The following FTO variants were observed in gnomAD, a reference collection of about 807,000 sequenced individuals.
FTO encodes the protein alpha-ketoglutarate-dependent dioxygenase FTO.
A neutral mutation model predicts 63.9 loss-of-function variants in FTO; 47 were observed. The ratio of observed to expected loss-of-function variants is 0.74; its 90% CI spans 0.58 to 0.94. The LOEUF (loss-of-function observed/expected upper bound fraction) is 0.94, where lower values mean the gene tolerates loss of function less well. Among genes scored for constraint, FTO ranks in the 40% least tolerant of loss-of-function variants. FTO has a pLI of 0.00. For synonymous variants in FTO, 207 were observed against 224.4 expected, an observed-to-expected ratio of 0.92 and a Z score of 0.69; for missense variants, 562 against 618.1, an observed-to-expected ratio of 0.91 and a Z score of 0.96.
intron 8 of FTO, among the ~76,000 whole-genome samples, chr16:53,943,609 A>G (rs973233734): frequency 6.6e-5 from 10 of 152,242 alleles, no homozygotes; most frequent in Admixed American, 1.3e-4. Flanking sequence ...AATGACAGAT[A>G]TGAACTCTTT....
chr16:53,853,706 T>A (rs969690862), intron 4 of FTO, among the ~76,000 whole-genome samples: 28 of 152,348 alleles, frequency 1.8e-4, no homozygotes, highest in African/African-American at 6.5e-4. Flanking sequence ...ATGCCACATT[T>A]TCTTTATCTA....
chr16:53,965,318 C>T (rs1295370227), intron 8 of FTO, among the ~76,000 whole-genome samples: 2 of 152,180 alleles, frequency 1.3e-5, no homozygotes, highest in East Asian at 3.9e-4. Flanking sequence ...TTGTGATCCG[C>T]CCACCTTGGC....
At chr16:53,990,749 C>A (rs1367868802) in intron 8 of FTO, among the ~76,000 whole-genome samples, 1 of 151,598 alleles carries the variant, frequency 6.6e-6, no homozygotes, top group Admixed American at 6.6e-5. Context: ...CTCATTGCAA[C>A]ATCCACCTCC....
intron 7 of FTO, among the ~76,000 whole-genome samples, chr16:53,893,631 A>G (rs2081207655): frequency 6.6e-6 from 1 of 152,138 alleles, no homozygotes; most frequent in Admixed American, 6.5e-5. Context: ...AATCCTCTAA[A>G]TTGATGACAT....
chr16:53,873,076 A>G (rs1190878193), intron 4 of FTO, among the ~76,000 whole-genome samples: 1 of 152,182 alleles, frequency 6.6e-6, no homozygotes, highest in African/African-American at 2.4e-5. Flanking sequence ...CAAACATGCA[A>G]CATGCTGAGT....
intron 8 of FTO, among the ~76,000 whole-genome samples, chr16:54,076,460 A>G (rs1303248875): frequency 6.6e-6 from 1 of 152,224 alleles, no homozygotes; most frequent in East Asian, 1.9e-4. Flanking sequence ...AGGGAAAAGA[A>G]TAGCAGGAAA....
At chr16:53,982,792 C>T (rs2083577299) in intron 8 of FTO, among the ~76,000 whole-genome samples, 1 of 152,174 alleles carries the variant, frequency 6.6e-6, no homozygotes, top group Non-Finnish European at 1.5e-5. Flanking sequence ...GTAAAGCTTG[C>T]AGTGTTAAGA....
chr16:53,826,633 CAT>C, intron 3 of FTO, 142 bp downstream of exon 3: 4 of 775,040 alleles, frequency 5.2e-6, no homozygotes, highest in South Asian at 4.7e-5. Context: ...GTGTGTGTAT[CAT>C]GTGTCCTTTT....
chr16:54,026,917 T>C (rs2084726373), intron 8 of FTO, among the ~76,000 whole-genome samples: 1 of 152,212 alleles, frequency 6.6e-6, no homozygotes, highest in Admixed American at 6.5e-5. Context: ...TACAAATCTT[T>C]GCAGTAATCA....
In FTO at chr16:54,121,378, A is replaced by G. The variant is rs548656672; in HGVS notation, c.*9463A>G. On this transcript the variant is annotated 3_prime_UTR_variant, in exon 9 of 9. Transcript: ENST00000471389. ...CATGCCAACATCTCTCTGTACAGAAACATGGAAAAAGAGCGATGCTATTAA... is the reference window on the plus strand; with the variant it reads ...CATGCCAACATCTCTCTGTACAGAAGCATGGAAAAAGAGCGATGCTATTAA... 6.6e-6 allele frequency: 1 copy of G among 152,378 alleles called. No homozygotes were observed. The highest frequency in any genetic ancestry group is 2.4e-5 in the African/African-American group (1 of 41,590). 9.4% of individuals were successfully genotyped at this position (152,378 alleles called of 1,614,324 possible). A position where few individuals can be genotyped will look rare whatever the true frequency, so the allele number is the denominator to read the frequency against.
intron 7 of FTO, among the ~76,000 whole-genome samples, chr16:53,922,848 G>C (rs1032097836): frequency 5.9e-5 from 9 of 152,186 alleles, no homozygotes; most frequent in African/African-American, 2.2e-4. Flanking sequence ...GAGGAAGTGA[G>C]GGTAATAAGA....
chr16:54,070,629 G>C (rs2085847204), intron 8 of FTO: 1 of 152,128 alleles, frequency 6.6e-6, no homozygotes, highest in Non-Finnish European at 1.5e-5. Flanking sequence ...TAATACCACG[G>C]ATGGCATGGA....
intron 1 of FTO, among the ~76,000 whole-genome samples, chr16:53,705,739 G>T (rs950987441): frequency 6.6e-6 from 1 of 152,210 alleles, no homozygotes; most frequent in African/African-American, 2.4e-5. Context: ...AGTCTACACA[G>T]TGCAAAGAAA....
chr16:54,088,655 C>T (rs918930459), intron 8 of FTO, among the ~76,000 whole-genome samples: 28 of 152,200 alleles, frequency 1.8e-4, no homozygotes, highest in African/African-American at 6.7e-4. Context: ...TAAATGTTTT[C>T]AATAGGGGGA....
At chr16:53,984,289 T>C (rs2083612982) in intron 8 of FTO, among the ~76,000 whole-genome samples, 1 of 151,496 alleles carries the variant, frequency 6.6e-6, no homozygotes, top group Non-Finnish European at 1.5e-5. Flanking sequence ...AAGTAATTAC[T>C]TTCCCTCCTC....
At chr16:53,756,117 A>G (rs929422746) in intron 1 of FTO, among the ~76,000 whole-genome samples, 1 of 152,216 alleles carries the variant, frequency 6.6e-6, no homozygotes, top group African/African-American at 2.4e-5. Context: ...AATTAAAACA[A>G]CCTACAAAAA....
At chr16:53,736,165 G>A (rs965432615) in intron 1 of FTO, among the ~76,000 whole-genome samples, 4 of 152,106 alleles carry the variant, frequency 2.6e-5, no homozygotes, top group Non-Finnish European at 5.9e-5. Context: ...TTGAATATAG[G>A]CTGAACATCT....
intron 1 of FTO, among the ~76,000 whole-genome samples, chr16:53,755,266 T>C (rs1460177940): frequency 2.0e-5 from 3 of 152,194 alleles, no homozygotes; most frequent in African/African-American, 7.2e-5. Flanking sequence ...GGCCTCTCTT[T>C]CTTAATGATG....
intron 8 of FTO, among the ~76,000 whole-genome samples, chr16:54,031,688 A>C (rs1334670408): frequency 1.3e-5 from 2 of 152,168 alleles, no homozygotes; most frequent in African/African-American, 4.8e-5. Context: ...GAAGTTACAA[A>C]TCTGTGACCA....
Sources: allele counts gnomAD v4.1 joint callset (sites outside exome capture counted in the v4.1 genomes callset), GRCh38; gene constraint gnomAD v4.1.1; transcripts MANE v1.5; gene names NCBI Gene and HGNC (gene_info 2026-07-23, HGNC 2026-07-21).